Variants in GPC5 observed in about 807,000 individuals in gnomAD.
GPC5 encodes the protein glypican 5.
In GPC5, 47 loss-of-function variants were observed where a neutral mutation model predicts 53.9. The observed-to-expected ratio is 0.87, with a 90% CI of 0.69 to 1.11. The LOEUF (loss-of-function observed/expected upper bound fraction) is 1.11. Ranked by LOEUF, GPC5 falls within the 50% of genes most tolerant of loss-of-function variation. GPC5 has a pLI of 0.00. For missense variants in GPC5, 748 were observed against 713.1 expected, an observed-to-expected ratio of 1.05 and a Z score of -0.56; for synonymous variants, 286 against 263.3, an observed-to-expected ratio of 1.09 and a Z score of -0.84.
At chr13:91,816,190 C>G (rs2038396441) in intron 5 of GPC5, among the ~76,000 whole-genome samples, 1 of 152,154 alleles carries the variant, frequency 6.6e-6, no homozygotes, top group Non-Finnish European at 1.5e-5. Context: ...CGCCTCCAAG[C>G]CCCTCACCCT....
intron 7 of GPC5, among the ~76,000 whole-genome samples, chr13:92,696,679 T>C (rs1310871146): frequency 6.6e-6 from 1 of 152,346 alleles, no homozygotes; most frequent in East Asian, 1.9e-4. Flanking sequence ...TTTCTTTTGC[T>C]GTGAAGAAGC....
At chr13:92,569,038 T>C (rs1397023287) in intron 7 of GPC5, among the ~76,000 whole-genome samples, 2 of 150,266 alleles carry the variant, frequency 1.3e-5, no homozygotes, top group Non-Finnish European at 3.0e-5. Context: ...TAACTCGTCA[T>C]TTAGCATTAG....
At chr13:91,773,539 C>T (rs952985508) in intron 5 of GPC5, among the ~76,000 whole-genome samples, 5 of 152,060 alleles carry the variant, frequency 3.3e-5, no homozygotes, top group Admixed American at 6.6e-5. Context: ...TAAATATCAT[C>T]TCTAATGAAG....
At chr13:92,408,755 G>T (rs1875912160) in intron 7 of GPC5, among the ~76,000 whole-genome samples, 1 of 151,824 alleles carries the variant, frequency 6.6e-6, no homozygotes, top group Non-Finnish European at 1.5e-5. Context: ...TATGAAATAT[G>T]AACTGATTGC....
At chr13:92,341,414 T>C (rs931248102) in intron 7 of GPC5, among the ~76,000 whole-genome samples, 1 of 152,078 alleles carries the variant, frequency 6.6e-6, no homozygotes, top group African/African-American at 2.4e-5. Flanking sequence ...TTTTTTTAAA[T>C]TGTAAGATAA....
chr13:92,797,632 C>A (rs1876732468), intron 7 of GPC5, among the ~76,000 whole-genome samples: 1 of 151,880 alleles, frequency 6.6e-6, no homozygotes, highest in South Asian at 2.1e-4. Flanking sequence ...TCAGCTCTTT[C>A]ATTCCTAAAA....
chr13:92,291,550 C>T (rs1258922315), intron 7 of GPC5, among the ~76,000 whole-genome samples: 1 of 152,164 alleles, frequency 6.6e-6, no homozygotes, highest in East Asian at 1.9e-4. Context: ...AAACAGACCA[C>T]TCTGGCTCTC....
intron 1 of GPC5, among the ~76,000 whole-genome samples, chr13:91,408,474 CTAG>C (rs1166469431): frequency 2.0e-5 from 3 of 152,088 alleles, no homozygotes; most frequent in African/African-American, 7.2e-5. Context: ...CTAGGTTTAT[CTAG>C]TCTTTAAGAC....
chr13:92,289,612 GA>G (rs2042980035), intron 7 of GPC5, among the ~76,000 whole-genome samples: 1 of 151,800 alleles, frequency 6.6e-6, no homozygotes, highest in Non-Finnish European at 1.5e-5. Flanking sequence ...TATGTATCAG[GA>G]ACTATGTTAA....
chr13:92,262,268 G>A (rs1399416063), intron 7 of GPC5, among the ~76,000 whole-genome samples: 1 of 152,108 alleles, frequency 6.6e-6, no homozygotes, highest in Non-Finnish European at 1.5e-5. Flanking sequence ...CTTATTAGTG[G>A]AGATGCTATG....
At chr13:92,208,530 A>G (rs1168917337) in intron 7 of GPC5, among the ~76,000 whole-genome samples, 1 of 152,240 alleles carries the variant, frequency 6.6e-6, no homozygotes, top group Non-Finnish European at 1.5e-5. Context: ...TATGAGAAAC[A>G]TCTTGAATAT....
rs1166506453 is a variant in GPC5 at position 92,704,849 on chromosome 13, T to G, written c.1562-161433T>G. Among the ~76,000 whole-genome samples, 3 of 100,906 alleles carry G rather than the reference T, an allele frequency of 3.0e-5. No homozygotes were observed. The East Asian group carries it at 1.0e-3, about 35-fold the overall frequency. 66.2% of individuals were successfully genotyped at this position (100,906 alleles called of 152,430 possible). ...TATATATACACACACACTCTTAGTG[T>G]GTAAATATATGAGTGTATATATATA... On this transcript the variant is annotated intron_variant, in intron 7 of 7. Transcript: ENST00000377067.
chr13:91,829,371 C>A (rs559440258), intron 5 of GPC5, among the ~76,000 whole-genome samples: 99 of 151,988 alleles, frequency 6.5e-4, no homozygotes, highest in African/African-American at 2.3e-3. Flanking sequence ...GAACATGGAC[C>A]GGATTCAAGA....
chr13:91,599,625 G>A (rs1290536852), intron 2 of GPC5, among the ~76,000 whole-genome samples: 2 of 152,072 alleles, frequency 1.3e-5, no homozygotes, highest in Non-Finnish European at 1.5e-5. Flanking sequence ...TGGGAACAAT[G>A]CACTTTTGTA....
chr13:92,582,975 T>A (rs1488506111), intron 7 of GPC5, among the ~76,000 whole-genome samples: 3 of 152,202 alleles, frequency 2.0e-5, no homozygotes, highest in African/African-American at 7.2e-5. Flanking sequence ...TTGGACACCT[T>A]TTATTTCTTT....
At chr13:92,361,132 C>A (rs555748061) in intron 7 of GPC5, among the ~76,000 whole-genome samples, 14 of 151,832 alleles carry the variant, frequency 9.2e-5, no homozygotes, top group African/African-American at 2.9e-4. Context: ...ACAATATCTC[C>A]ATTTTTATGG....
At chr13:91,675,690 A>G (rs2035366094) in intron 2 of GPC5, among the ~76,000 whole-genome samples, 1 of 152,174 alleles carries the variant, frequency 6.6e-6, no homozygotes, top group Non-Finnish European at 1.5e-5. Context: ...TTTGCTCTTA[A>G]TGATGAATAT....
intron 6 of GPC5, among the ~76,000 whole-genome samples, chr13:92,064,786 G>A (rs2041155126): frequency 1.5e-5 from 1 of 68,356 alleles, no homozygotes; most frequent in Admixed American, 1.5e-4. Context: ...AAACTCAGAG[G>A]CAACTGAGTT....
chr13:92,650,779 G>T (rs1885931599), intron 7 of GPC5, among the ~76,000 whole-genome samples: 1 of 152,030 alleles, frequency 6.6e-6, no homozygotes, highest in Admixed American at 6.6e-5. Context: ...TTTTCTTTTA[G>T]GGTTTCCTTT....
Sources: gnomAD v4.1 joint callset for allele counts (sites outside exome capture counted in the v4.1 genomes callset) on GRCh38, gnomAD v4.1.1 for gene constraint, MANE v1.5 for transcripts, NCBI Gene and HGNC (gene_info 2026-07-23, HGNC 2026-07-21) for gene names.